INPP4B: variants seen among roughly 807,000 people sequenced by gnomAD.
INPP4B encodes the protein inositol polyphosphate 4-phosphatase type II.
In INPP4B, 55 loss-of-function variants were observed where a neutral mutation model predicts 122.5. That is an observed-to-expected ratio of 0.45 (90% CI 0.36 to 0.56). INPP4B has a LOEUF of 0.56. INPP4B is among the 20% of genes least tolerant of loss of function. The probability of loss-of-function intolerance (pLI) is 0.00; values close to 1 mark genes in which losing one functional copy is unlikely to be tolerated. For missense variants in INPP4B, 1,000 were observed against 1,097.7 expected, an observed-to-expected ratio of 0.91 and a Z score of 1.26; for synonymous variants, 403 against 388.7, an observed-to-expected ratio of 1.04 and a Z score of -0.43.
At chr4:142,544,377 A>C (rs1829308987) in intron 2 of INPP4B, among the ~76,000 whole-genome samples, 2 of 151,984 alleles carry the variant, frequency 1.3e-5, no homozygotes, top group Non-Finnish European at 2.9e-5. Flanking sequence ...TCAGTGGAAA[A>C]ACACAGGAAA....
chr4:142,305,876 C>T, intron 8 of INPP4B: 1 of 1,079,184 alleles, frequency 9.3e-7, no homozygotes, highest in Non-Finnish European at 1.1e-6. Flanking sequence ...TCCATATTTA[C>T]CAATGCTGTT....
rs2152528529 is a variant in INPP4B at position 142,082,121 on chromosome 4, A to C, written c.2552T>G (p.Met851Arg). 6.5e-7 allele frequency: 1 copy of C among 1,542,642 alleles called. No individual in the cohort carries two copies. The highest frequency in any genetic ancestry group is 1.3e-5 in the African/African-American group (1 of 74,360). Residue 851 changes from methionine (M) to arginine (R), a missense_variant, in exon 25 of 26, where the codon ATG (methionine) becomes AGG (arginine). By Grantham distance (91) the Met-to-Arg change is moderately conservative. Transcript: ENST00000262992. ...TGAGCATTGTTCAAGTGTCACTGAC[A>C]TCGATGTCCTGTCTTTGGCACTTTT... ...CCKSAKDRTS[M>R]SVTLEQCSIL...
intron 22 of INPP4B, among the ~76,000 whole-genome samples, chr4:142,111,081 T>C (rs1789787076): frequency 6.6e-6 from 1 of 152,090 alleles, no homozygotes; most frequent in South Asian, 2.1e-4. Flanking sequence ...TATAGATAAA[T>C]AGAATATAAT....
intron 1 of INPP4B, among the ~76,000 whole-genome samples, chr4:142,829,291 A>G (rs1278000896): frequency 6.6e-6 from 1 of 152,078 alleles, no homozygotes; most frequent in Non-Finnish European, 1.5e-5. Flanking sequence ...CAGCAATCAT[A>G]TAATGACCCC....
At chr4:142,719,903 C>T (rs944612270) in intron 2 of INPP4B, among the ~76,000 whole-genome samples, 2 of 151,860 alleles carry the variant, frequency 1.3e-5, no homozygotes, top group African/African-American at 4.8e-5. Flanking sequence ...ATGTGGATGC[C>T]GAAAAATTAA....
rs568555675 is a variant in INPP4B at position 142,173,999 on chromosome 4, G to A, written c.1182-190C>T. Among the ~76,000 whole-genome samples, 3 of 152,038 alleles carry A rather than the reference G, an allele frequency of 2.0e-5. No individual in the cohort carries two copies. The South Asian group carries it at 6.2e-4, about 32-fold the overall frequency. ...GTGACGAAAATGCTTTTTAAAACTA[G>A]GTAATCTTGTTTTGCTAAAACACTG... On this transcript the variant is annotated intron_variant, in intron 15 of 25. Transcript: ENST00000262992.
At chr4:142,495,044 T>C (rs1269199013) in intron 2 of INPP4B, among the ~76,000 whole-genome samples, 1 of 152,180 alleles carries the variant, frequency 6.6e-6, no homozygotes, top group Non-Finnish European at 1.5e-5. Flanking sequence ...AGTTGTTTTT[T>C]TAAGGATCGA....
chr4:142,753,405 C>T (rs1476221823), intron 1 of INPP4B, among the ~76,000 whole-genome samples: 1 of 152,002 alleles, frequency 6.6e-6, no homozygotes, highest in South Asian at 2.1e-4. Flanking sequence ...TACTCTTAAA[C>T]CTACTTTATA....
chr4:142,162,177 T>A (rs910624948), intron 16 of INPP4B, among the ~76,000 whole-genome samples: 1 of 151,718 alleles, frequency 6.6e-6, no homozygotes, highest in Non-Finnish European at 1.5e-5. Context: ...ATGAAAAACA[T>A]AATTTATAAG....
intron 23 of INPP4B, among the ~76,000 whole-genome samples, chr4:142,103,426 A>C (rs780281558): frequency 5.3e-5 from 8 of 152,094 alleles, no homozygotes; most frequent in Non-Finnish European, 1.0e-4. Context: ...TATTTTTGTA[A>C]ATATAAGTGA....
At chr4:142,066,827 G>A (rs920151922) in intron 25 of INPP4B, among the ~76,000 whole-genome samples, 1 of 152,216 alleles carries the variant, frequency 6.6e-6, no homozygotes. Flanking sequence ...CAGCCAGGAA[G>A]CTCGAACTGG....
chr4:142,068,188 A>C (rs1764765220), intron 25 of INPP4B, among the ~76,000 whole-genome samples: 1 of 152,222 alleles, frequency 6.6e-6, no homozygotes, highest in East Asian at 1.9e-4. Context: ...AACAATCTTA[A>C]AGAAAAGAAT....
chr4:142,268,039 G>A (rs1303195179), intron 10 of INPP4B, among the ~76,000 whole-genome samples: 1 of 151,706 alleles, frequency 6.6e-6, no homozygotes, highest in Non-Finnish European at 1.5e-5. Flanking sequence ...AAATGATGAG[G>A]GAGGCCAGGC....
At chr4:142,451,626 A>C (rs781269428) in intron 3 of INPP4B, among the ~76,000 whole-genome samples, 1 of 152,106 alleles carries the variant, frequency 6.6e-6, no homozygotes, top group Non-Finnish European at 1.5e-5. Flanking sequence ...AAGAGATAAT[A>C]GTTTCTTTTA....
chr4:142,134,532 A>C (rs1428580889), intron 18 of INPP4B, among the ~76,000 whole-genome samples: 1 of 152,216 alleles, frequency 6.6e-6, no homozygotes, highest in Non-Finnish European at 1.5e-5. Context: ...GTTTTAAAAA[A>C]ATTTGTAAGT....
chr4:142,548,824 A>C (rs1164902848), intron 2 of INPP4B, among the ~76,000 whole-genome samples: 1 of 151,978 alleles, frequency 6.6e-6, no homozygotes, highest in Admixed American at 6.6e-5. Flanking sequence ...AATCATTCTA[A>C]AATGTATTAA....
At chr4:142,569,650 A>G (rs1345717266) in intron 2 of INPP4B, among the ~76,000 whole-genome samples, 1 of 152,130 alleles carries the variant, frequency 6.6e-6, no homozygotes, top group Non-Finnish European at 1.5e-5. Flanking sequence ...TAAGGTATAG[A>G]TAACTCAAAA....
intron 5 of INPP4B, chr4:142,427,239 C>A (rs551888528): frequency 3.7e-6 from 1 of 270,772 alleles, no homozygotes; most frequent in Admixed American, 5.3e-5. Context: ...AGTTTGGGGA[C>A]TGTGTCTTCT....
chr4:142,741,389 C>A (rs747741089), intron 1 of INPP4B, among the ~76,000 whole-genome samples: 6 of 151,908 alleles, frequency 3.9e-5, no homozygotes, highest in Non-Finnish European at 8.8e-5. Context: ...ACTAACTGAG[C>A]TAGAACTTAC....
Sources: allele counts gnomAD v4.1 joint callset (sites outside exome capture counted in the v4.1 genomes callset), GRCh38; gene constraint gnomAD v4.1.1; transcripts MANE v1.5; gene names NCBI Gene and HGNC (gene_info 2026-07-23, HGNC 2026-07-21).